WDSUB1: variants seen among roughly 807,000 people sequenced by gnomAD.
WDSUB1 encodes the protein WD repeat, sterile alpha motif and U-box domain containing 1, also known as WD repeat, SAM and U-box domain-containing protein 1.
Under a neutral mutation model 53.9 loss-of-function variants are expected in WDSUB1, and 49 were observed. That is an observed-to-expected ratio of 0.91 (90% CI 0.72 to 1.15). The LOEUF is 1.15. Among genes scored for constraint, WDSUB1 ranks in the 50% most tolerant of loss-of-function variants. The pLI is 0.00. For synonymous variants in WDSUB1, 194 were observed against 200.6 expected (o/e 0.97, Z 0.28); for missense variants, 514 against 562.0 (o/e 0.91, Z 0.86).
At chr2:159,261,357 C>T (rs1033430854) in intron 5 of WDSUB1, among the ~76,000 whole-genome samples, 4 of 152,052 alleles carry the variant, frequency 2.6e-5, no homozygotes, top group Non-Finnish European at 4.4e-5. Context: ...AGTCCTGGAC[C>T]CAATCCCCTG....
At chr2:159,258,381 G>A (rs918715711) in intron 6 of WDSUB1, among the ~76,000 whole-genome samples, 10 of 152,200 alleles carry the variant, frequency 6.6e-5, no homozygotes, top group African/African-American at 2.4e-4. Context: ...TCCCTTGGCC[G>A]GGTGCAGTGG....
In WDSUB1 at chr2:159,236,090, T is replaced by TGTAA. The variant is rs1440805294; in HGVS notation, c.1370_1373dup (p.Pro459TyrfsTer4). On this transcript the variant is annotated frameshift_variant, in exon 11 of 11. Coordinates refer to ENST00000359774, the MANE Select transcript of WDSUB1 (RefSeq NM_001128212.3). LOFTEE classifies it high-confidence loss of function. The stretch of plus-strand genomic sequence containing the variant: ...TGGCCATTTTCAGAGTCCTATTTGG[T>TGTAA]GTAAGTACCGCTGAAGGAAGAACAA... 2 of 1,613,982 alleles carry TGTAA rather than the reference T, an allele frequency of 1.2e-6. No individual in the cohort carries two copies. The highest frequency in any genetic ancestry group is 1.7e-5 in the Admixed American group (1 of 60,002).
At chr2:159,251,249 G>A (rs1223832060) in intron 9 of WDSUB1, among the ~76,000 whole-genome samples, 1 of 151,704 alleles carries the variant, frequency 6.6e-6, no homozygotes, top group Non-Finnish European at 1.5e-5. Flanking sequence ...CCGGGCAACA[G>A]AGTGAGACTC....
At chr2:159,283,179 T>A in intron 1 of WDSUB1, 86 bp from the exon 2 acceptor site, 1 of 1,190,118 alleles carries the variant, frequency 8.4e-7, no homozygotes, top group East Asian at 2.5e-5. Flanking sequence ...CAAAATGTTT[T>A]AATTTGCTCA....
At chr2:159,236,663 G>GTTTGT (rs1483692653) in intron 10 of WDSUB1, among the ~76,000 whole-genome samples, 9 of 152,214 alleles carry the variant, frequency 5.9e-5, no homozygotes, top group African/African-American at 1.9e-4. Context: ...TTTTTTGTTT[G>GTTTGT]TTTGTTTGTT....
At chr2:159,259,036 A>ATTTTTTTTTTTTTTTTTTTTTTT (rs1553629127) in intron 6 of WDSUB1, among the ~76,000 whole-genome samples, 8 of 150,606 alleles carry the variant, frequency 5.3e-5, no homozygotes, top group African/African-American at 1.9e-4. Flanking sequence ...CAACTACTTT[A>ATTTTTTTTTTTTTTTTTTTTTTT]TTTTTGAGAC....
intron 5 of WDSUB1, among the ~76,000 whole-genome samples, chr2:159,268,316 C>T (rs1386577285): frequency 1.3e-5 from 2 of 149,094 alleles, no homozygotes; most frequent in African/African-American, 4.8e-5. Context: ...ATCATTCTGT[C>T]AGCTAACCTG....
chr2:159,239,060 G>C (rs375807669), intron 10 of WDSUB1, among the ~76,000 whole-genome samples: 2 of 152,248 alleles, frequency 1.3e-5, no homozygotes, highest in Admixed American at 6.5e-5. Context: ...AGAGTCCAGT[G>C]ACATGACGGT....
intron 10 of WDSUB1, among the ~76,000 whole-genome samples, chr2:159,242,839 T>A (rs1227706151): frequency 6.8e-6 from 1 of 147,824 alleles, no homozygotes; most frequent in Non-Finnish European, 1.5e-5. Context: ...TTTAAAAGTA[T>A]GAATAAAAAT....
At chr2:159,241,367 G>A (rs2060642227) in intron 10 of WDSUB1, among the ~76,000 whole-genome samples, 1 of 152,168 alleles carries the variant, frequency 6.6e-6, no homozygotes, top group South Asian at 2.1e-4. Context: ...TTCAAGACCA[G>A]CCTGGCCAAC....
chr2:159,246,394 T>C (rs1372933967), intron 10 of WDSUB1, among the ~76,000 whole-genome samples: 6 of 142,572 alleles, frequency 4.2e-5, no homozygotes, highest in African/African-American at 7.9e-5. Flanking sequence ...ATCACACCAC[T>C]GCACTCCAGC....
intron 3 of WDSUB1, among the ~76,000 whole-genome samples, chr2:159,277,756 C>T (rs1168497310): frequency 6.6e-6 from 1 of 151,322 alleles, no homozygotes; most frequent in Non-Finnish European, 1.5e-5. Flanking sequence ...TACAGTTGTT[C>T]CCACAAATTC....
chr2:159,254,714 AAGATTAATTGTGAG>A (rs1251222769), intron 9 of WDSUB1, among the ~76,000 whole-genome samples: 1 of 152,246 alleles, frequency 6.6e-6, no homozygotes, highest in Admixed American at 6.5e-5. Context: ...AGGTACCCTT[AAGATTAATTGTGAG>A]AGATTAACAA....
In WDSUB1 at chr2:159,282,858, G is replaced by A. The variant is rs1274167227; in HGVS notation, c.212C>T (p.Ser71Leu). The part of the protein sequence containing the change: ...CFSPSGHILA[S>L]CSTDGTTVLW... ...GACAGTGGTACCATCTGTTGAACAC[G>A]ATGCCAAAATATGTCCTGAAGGGGA... is the stretch of plus-strand genomic sequence containing the variant. Residue 71 changes from serine to leucine, a missense_variant, in exon 2 of 11, where the codon TCG (serine) becomes TTG (leucine). Physicochemically the swap from Ser to Leu is moderately radical, Grantham distance 145. Coordinates refer to ENST00000359774, the MANE Select transcript of WDSUB1 (RefSeq NM_001128212.3). 5 of 1,614,142 alleles carry A rather than the reference G, an allele frequency of 3.1e-6. No individual in the cohort carries two copies. Among genetic ancestry groups the A allele is most frequent in the African/African-American group, 1.3e-5 (1 of 75,040 alleles).
intron 5 of WDSUB1, among the ~76,000 whole-genome samples, chr2:159,262,308 G>A (rs2061243964): frequency 6.6e-6 from 1 of 152,006 alleles, no homozygotes; most frequent in Admixed American, 6.6e-5. Context: ...GTCCACATAT[G>A]GGAACGGCAA....
In WDSUB1 at chr2:159,279,896, T is replaced by C. The variant is rs1292024085; in HGVS notation, c.448A>G (p.Asn150Asp). 1.9e-6 allele frequency: 3 copies of C among 1,612,340 alleles called. No individual in the cohort carries two copies. In the Admixed American group the frequency reaches 5.0e-5, roughly 27 times the overall value. The change falls in exon 3 of 11, where the codon AAT becomes GAT. Residue 150 changes from asparagine (N) to aspartate (D), a missense_variant. Physicochemically the swap from Asn to Asp is conservative, Grantham distance 23. Transcript: ENST00000359774. Reference sequence around the variant, plus strand: ...GAGCCAGTGACAAAGAAGCTTCCATTAGGAGAAAATGCACATGCCGCCAAG... The same window carrying C: ...GAGCCAGTGACAAAGAAGCTTCCATCAGGAGAAAATGCACATGCCGCCAAG... The part of the protein sequence containing the change: ...GSLAACAFSP[N>D]GSFFVTGSSC...
intron 9 of WDSUB1, among the ~76,000 whole-genome samples, chr2:159,251,165 C>G (rs1038298350): frequency 9.9e-5 from 15 of 151,404 alleles, no homozygotes; most frequent in African/African-American, 3.6e-4. Context: ...CCTCAGGAGG[C>G]TGAGGCAGGA....
chr2:159,245,123 G>T (rs895292951), intron 10 of WDSUB1, among the ~76,000 whole-genome samples: 4 of 152,090 alleles, frequency 2.6e-5, no homozygotes, highest in Admixed American at 6.6e-5. Flanking sequence ...ATCCGGGCAA[G>T]GAAACTGAGA....
intron 3 of WDSUB1, among the ~76,000 whole-genome samples, chr2:159,279,273 T>C (rs2061603732): frequency 6.6e-6 from 1 of 152,234 alleles, no homozygotes; most frequent in Non-Finnish European, 1.5e-5. Context: ...TCAGGAGTTC[T>C]GTTTATTTCT....
Sources: allele counts gnomAD v4.1 joint callset (sites outside exome capture counted in the v4.1 genomes callset), GRCh38; gene constraint gnomAD v4.1.1; transcripts MANE v1.5; gene names NCBI Gene and HGNC (gene_info 2026-07-23, HGNC 2026-07-21).